Variants in PRDM2 observed in about 807,000 individuals in gnomAD.
The protein encoded by PRDM2 is PR/SET domain 2.
Under a neutral mutation model 130.0 loss-of-function variants are expected in PRDM2, and 30 were observed. That is an observed-to-expected ratio of 0.23 (90% CI 0.17 to 0.31). PRDM2 has a LOEUF of 0.31. Ranked by LOEUF, PRDM2 falls within the 10% of genes least tolerant of loss-of-function variation. The pLI is 1.00. For synonymous variants in PRDM2, 871 were observed against 782.4 expected (o/e 1.11, Z -1.89); for missense variants, 2,011 against 2,108.4 (o/e 0.95, Z 0.90).
At chr1:13,798,601 C>T (rs1644958710) in intron 8 of PRDM2, among the ~76,000 whole-genome samples, 1 of 152,226 alleles carries the variant, frequency 6.6e-6, no homozygotes, top group East Asian at 1.9e-4. Context: ...TCCTTACAGG[C>T]TGTCTTTGAC....
chr1:13,749,052 C>G (rs576454199), intron 5 of PRDM2, among the ~76,000 whole-genome samples: 117 of 152,296 alleles, frequency 7.7e-4, no homozygotes, highest in African/African-American at 2.8e-3. Flanking sequence ...TTTATTTTTT[C>G]TCGTGCGTGG....
In PRDM2 at chr1:13,779,663, A is replaced by G. The variant is rs1425171249; in HGVS notation, c.1868A>G (p.Asp623Gly). 1.2e-6 allele frequency: 2 copies of G among 1,614,116 alleles called. No individual in the cohort carries two copies. The highest frequency in any genetic ancestry group is 1.3e-5 in the African/African-American group (1 of 75,032). Residue 623 changes from aspartate to glycine, a missense_variant, in exon 8 of 10, where the codon GAT becomes GGT. Physicochemically the swap from Asp to Gly is moderately conservative, Grantham distance 94. Transcript: ENST00000311066. The surrounding 1 kb of genome is among the most constrained non-coding windows in gnomAD (Gnocchi z 4.9). The stretch of plus-strand genomic sequence containing the variant: ...ACCACACAGGTCCCTGTAACAGAAG[A>G]TCTTCCTAAAGAGCCTTTGGGCAGC... ...IKTTQVPVTE[D>G]LPKEPLGSTN...
intron 4 of PRDM2, among the ~76,000 whole-genome samples, chr1:13,740,621 A>T (rs1400498941): frequency 6.6e-6 from 1 of 152,162 alleles, no homozygotes; most frequent in Non-Finnish European, 1.5e-5. Context: ...GCCTTTCTTT[A>T]TGACAATTAA....
At chr1:13,808,478 A>G (rs76124285) in intron 8 of PRDM2, among the ~76,000 whole-genome samples, 6 of 151,540 alleles carry the variant, frequency 4.0e-5, no homozygotes, top group Non-Finnish European at 1.5e-5. Flanking sequence ...AAAAAAAAAA[A>G]AAAAACAGTT....
chr1:13,764,531 C>G (rs145176009), intron 6 of PRDM2, among the ~76,000 whole-genome samples: 155 of 152,310 alleles, frequency 1.0e-3, no homozygotes, highest in Non-Finnish European at 1.6e-4. Context: ...GAAGCCCTTT[C>G]TTAAGATGTG....
At chr1:13,743,433 T>G (rs1339441532) in intron 5 of PRDM2, among the ~76,000 whole-genome samples, 1 of 138,504 alleles carries the variant, frequency 7.2e-6, no homozygotes, top group African/African-American at 2.6e-5. Context: ...AAAAGACAGA[T>G]CCTCACATTA....
intron 6 of PRDM2, among the ~76,000 whole-genome samples, chr1:13,769,629 A>T (rs987440713): frequency 1.3e-5 from 2 of 152,236 alleles, no homozygotes; most frequent in Non-Finnish European, 2.9e-5. Flanking sequence ...TCCAGGTGTC[A>T]GATAATCTCA....
chr1:13,745,716 C>T (rs1643582845), intron 5 of PRDM2, among the ~76,000 whole-genome samples: 1 of 152,142 alleles, frequency 6.6e-6, no homozygotes, highest in Non-Finnish European at 1.5e-5. Context: ...AGCCACCGTG[C>T]CCAGCCTTTT....
chr1:13,742,852 C>A (rs186855030), intron 5 of PRDM2, among the ~76,000 whole-genome samples: 29 of 146,896 alleles, frequency 2.0e-4, no homozygotes, highest in East Asian at 1.3e-3. Flanking sequence ...ATTAATGCAG[C>A]CTTGGATTAG....
chr1:13,786,462 T>C, intron 8 of PRDM2: 1 of 1,592,464 alleles, frequency 6.3e-7, no homozygotes, highest in South Asian at 1.1e-5. Flanking sequence ...ACATGGTCAA[T>C]CATGTAAGGT....
intron 6 of PRDM2, among the ~76,000 whole-genome samples, chr1:13,764,027 C>A (rs973373774): frequency 6.6e-6 from 1 of 152,054 alleles, no homozygotes; most frequent in African/African-American, 2.4e-5. Flanking sequence ...AATTTTTACT[C>A]CTTGAAAATA....
At chr1:13,786,460 A>C in intron 8 of PRDM2, 4 of 1,589,750 alleles carry the variant, frequency 2.5e-6, no homozygotes, top group Non-Finnish European at 3.4e-6. Context: ...TAACATGGTC[A>C]ATCATGTAAG....
In PRDM2 at chr1:13,824,678, A is replaced by G. The variant is rs1352870924; in HGVS notation, c.*1543A>G. ...GCTCCTACAGCTAACCCTCACAAGC[A>G]TGAAGTGCTGTGGCTGTTCCTTATC... On this transcript the variant is annotated 3_prime_UTR_variant, in exon 10 of 10. Transcript: ENST00000311066. The G allele has an allele frequency of 6.6e-6, 1 of 152,218 alleles. No individual in the cohort carries two copies. Among genetic ancestry groups the G allele is most frequent in the Non-Finnish European group, 1.5e-5 (1 of 68,052 alleles). The allele number at this position is 152,218 out of a possible 1,614,324, so 9.4% of individuals were successfully genotyped here.
chr1:13,788,460 GT>G (rs1644785040), intron 8 of PRDM2, among the ~76,000 whole-genome samples: 3 of 152,328 alleles, frequency 2.0e-5, no homozygotes, highest in Admixed American at 6.5e-5. Context: ...GACATACTCA[GT>G]TTATGTGAAA....
chr1:13,701,242 TC>T (rs139517091), intron 1 of PRDM2, among the ~76,000 whole-genome samples: 14,921 of 152,208 alleles, frequency 0.098, 935 homozygotes, highest in Admixed American at 0.22. Context: ...TTTTGCTGAA[TC>T]CCAGTAGGTC....
At chr1:13,773,036 A>T (rs747114442) in intron 6 of PRDM2, 42 bp from the exon 7 acceptor site, 10 of 1,177,116 alleles carry the variant, frequency 8.5e-6, no homozygotes, top group Middle Eastern at 2.2e-4. Flanking sequence ...TGAATAAATA[A>T]AAAAAAAATG....
At chr1:13,772,761 A>G (rs1269989720) in intron 6 of PRDM2, among the ~76,000 whole-genome samples, 1 of 152,176 alleles carries the variant, frequency 6.6e-6, no homozygotes, top group Non-Finnish European at 1.5e-5. Context: ...TTCCTTTGAC[A>G]TCAATAGTAA....
intron 7 of PRDM2, among the ~76,000 whole-genome samples, chr1:13,778,008 G>A (rs764112546): frequency 1.3e-5 from 2 of 152,072 alleles, no homozygotes; most frequent in African/African-American, 2.4e-5. Context: ...TTTCCAGTTT[G>A]GAATCATGAG....
intron 5 of PRDM2, among the ~76,000 whole-genome samples, chr1:13,744,751 A>C (rs548522939): frequency 6.6e-6 from 1 of 152,304 alleles, no homozygotes; most frequent in Non-Finnish European, 1.5e-5. Context: ...GAAATAACAT[A>C]GTTCTGATTT....
Sources: allele counts gnomAD v4.1 joint callset (sites outside exome capture counted in the v4.1 genomes callset), GRCh38; gene constraint gnomAD v4.1.1; non-coding constraint Gnocchi (gnomAD v3.1); transcripts MANE v1.5; gene names NCBI Gene and HGNC (gene_info 2026-07-23, HGNC 2026-07-21).